Variants in CNTN1 observed in about 807,000 individuals in gnomAD.
The protein encoded by CNTN1 is contactin-1.
In CNTN1, 38 loss-of-function variants were observed where a neutral mutation model predicts 126.4. The observed-to-expected ratio is 0.30, with a 90% CI of 0.23 to 0.39. The LOEUF is 0.39. CNTN1 is among the 10% of genes least tolerant of loss of function. The probability of loss-of-function intolerance (pLI) is 1.00; values close to 1 mark genes in which losing one functional copy is unlikely to be tolerated. For synonymous variants in CNTN1, 413 were observed against 422.6 expected, an observed-to-expected ratio of 0.98 and a Z score of 0.28; for missense variants, 1,009 against 1,248.4, an observed-to-expected ratio of 0.81 and a Z score of 2.89.
chr12:40,944,233 T>C, intron 14 of CNTN1, 63 bp downstream of exon 14: 1 of 1,420,030 alleles, frequency 7.0e-7, no homozygotes, highest in South Asian at 1.2e-5. Context: ...GCATTGAAAG[T>C]TCTATTACTA....
At chr12:40,693,384 C>T (rs944071704) in intron 1 of CNTN1, among the ~76,000 whole-genome samples, 2 of 152,206 alleles carry the variant, frequency 1.3e-5, no homozygotes, top group Non-Finnish European at 2.9e-5. Flanking sequence ...CCCGGATGGG[C>T]TCCGAGCGGC....
intron 14 of CNTN1, 52 bp from the exon 15 acceptor site, chr12:40,959,062 C>T: frequency 6.2e-7 from 1 of 1,609,056 alleles, no homozygotes; most frequent in Non-Finnish European, 8.5e-7. Context: ...TTAAATGCCA[C>T]ATAATTGGTG....
At chr12:40,843,251 G>C (rs1942360389) in intron 1 of CNTN1, among the ~76,000 whole-genome samples, 1 of 152,028 alleles carries the variant, frequency 6.6e-6, no homozygotes, top group South Asian at 2.1e-4. Context: ...GGCCAGTTCA[G>C]GTGATAAAGC....
intron 1 of CNTN1, among the ~76,000 whole-genome samples, chr12:40,733,500 C>T (rs1344015881): frequency 6.6e-6 from 1 of 151,778 alleles, no homozygotes; most frequent in Non-Finnish European, 1.5e-5. Flanking sequence ...TCCCCCTTCC[C>T]CTGCCAGAGG....
rs550862370 is a variant in CNTN1, at chr12:41,010,335, G to A, written c.2114-3893G>A. Among the ~76,000 whole-genome samples, 4 of 152,284 alleles carry A rather than the reference G, an allele frequency of 2.6e-5. No homozygotes were observed. The East Asian group carries it at 7.7e-4, about 29-fold the overall frequency. Reference sequence around the variant, plus strand: ...CTTCCACAGGCTAGACAAGGTTAAGGTGGTTTTTTCTTGCTGCCTGGGCAC... The same window carrying A: ...CTTCCACAGGCTAGACAAGGTTAAGATGGTTTTTTCTTGCTGCCTGGGCAC... On this transcript the variant is annotated intron_variant, in intron 17 of 23. Transcript: ENST00000551295.
At chr12:40,749,643 T>G (rs1180490777) in intron 1 of CNTN1, among the ~76,000 whole-genome samples, 1 of 103,318 alleles carries the variant, frequency 9.7e-6, no homozygotes, top group East Asian at 2.5e-4. Flanking sequence ...TATTTTTTTT[T>G]TCATTTAATC....
chr12:40,754,603 A>G (rs1938529238), intron 1 of CNTN1, among the ~76,000 whole-genome samples: 1 of 151,988 alleles, frequency 6.6e-6, no homozygotes, highest in African/African-American at 2.4e-5. Flanking sequence ...TGCATTTCTT[A>G]ATCATGCATT....
intron 1 of CNTN1, among the ~76,000 whole-genome samples, chr12:40,810,612 T>C (rs73116756): frequency 0.023 from 3,427 of 152,130 alleles, 124 homozygotes; most frequent in African/African-American, 0.077. Context: ...TTTTTTTAGA[T>C]TTCACATATA....
At chr12:40,777,574 C>T (rs1026061044) in intron 1 of CNTN1, among the ~76,000 whole-genome samples, 1 of 151,720 alleles carries the variant, frequency 6.6e-6, no homozygotes, top group African/African-American at 2.4e-5. Flanking sequence ...ATACATCCTT[C>T]TTTTTAAAAA....
At chr12:40,892,211 T>C (rs1592214501) in intron 1 of CNTN1, among the ~76,000 whole-genome samples, 1 of 152,060 alleles carries the variant, frequency 6.6e-6, no homozygotes, top group East Asian at 1.9e-4. Context: ...AGGTGAATGA[T>C]GTATAGACTG....
In CNTN1 at chr12:41,029,155, C is replaced by A; in HGVS notation, c.2916C>A (p.Tyr972Ter). 1 of 1,614,018 alleles carries A rather than the reference C, an allele frequency of 6.2e-7. No homozygotes were observed. Among genetic ancestry groups the A allele is most frequent in the East Asian group, 2.2e-5 (1 of 44,864 alleles). The change falls in exon 23 of 24, where the codon TAC (tyrosine) becomes TAA (stop). Residue 972 changes from tyrosine (Y) to a stop codon, truncating the protein, a stop_gained. Coordinates refer to ENST00000551295, the MANE Select transcript of CNTN1 (RefSeq NM_001843.4). LOFTEE classifies it high-confidence loss of function. Reference sequence around the variant, plus strand: ...TCCCAATCCCCAGAGATGGAGAATACGTTGTGGAGGTTCGCGCGCACAGTG... The same window carrying A: ...TCCCAATCCCCAGAGATGGAGAATAAGTTGTGGAGGTTCGCGCGCACAGTG... The part of the protein sequence containing the change: ...IEVPIPRDGE[Y>*]VVEVRAHSDG...
intron 23 of CNTN1, among the ~76,000 whole-genome samples, chr12:41,063,245 G>A (rs1281407630): frequency 2.6e-5 from 4 of 152,196 alleles, no homozygotes; most frequent in Non-Finnish European, 5.9e-5. Context: ...TTAGCCTCAA[G>A]CAATTGGGAA....
chr12:40,889,677 A>C (rs1294933110), intron 1 of CNTN1, among the ~76,000 whole-genome samples: 2 of 152,186 alleles, frequency 1.3e-5, no homozygotes, highest in African/African-American at 2.4e-5. Context: ...TCAATGTATT[A>C]TTATGAGTAT....
chr12:41,007,515 TAGGC>T (rs1566131029), intron 17 of CNTN1, among the ~76,000 whole-genome samples: 1 of 152,106 alleles, frequency 6.6e-6, no homozygotes, highest in African/African-American at 2.4e-5. Context: ...AGAGGTTTAA[TAGGC>T]AGAAGAGAAG....
chr12:41,057,920 T>C (rs1949860976), intron 23 of CNTN1, among the ~76,000 whole-genome samples: 1 of 152,106 alleles, frequency 6.6e-6, no homozygotes, highest in Admixed American at 6.6e-5. Flanking sequence ...CAAGTTGATA[T>C]ATTACAGGCG....
intron 1 of CNTN1, among the ~76,000 whole-genome samples, chr12:40,707,692 T>C (rs1252608092): frequency 6.6e-6 from 1 of 152,230 alleles, no homozygotes; most frequent in Non-Finnish European, 1.5e-5. Context: ...GATATTTTTT[T>C]TGATGACTGA....
chr12:40,870,219 A>G (rs1386298538), intron 1 of CNTN1, among the ~76,000 whole-genome samples: 3 of 151,808 alleles, frequency 2.0e-5, no homozygotes, highest in Non-Finnish European at 4.4e-5. Context: ...TATCAGCAGC[A>G]TAAAAATTGA....
At chr12:40,955,507 A>AGTC (rs1224793945) in intron 14 of CNTN1, among the ~76,000 whole-genome samples, 1 of 152,070 alleles carries the variant, frequency 6.6e-6, no homozygotes, top group Non-Finnish European at 1.5e-5. Flanking sequence ...GTTTTTCTCA[A>AGTC]GTCAGTTATT....
intron 1 of CNTN1, among the ~76,000 whole-genome samples, chr12:40,741,291 A>G (rs1937933979): frequency 6.6e-6 from 1 of 152,076 alleles, no homozygotes; most frequent in South Asian, 2.1e-4. Context: ...GCTTTAATAA[A>G]TCTGTTTTTT....
Sources: allele counts gnomAD v4.1 joint callset (sites outside exome capture counted in the v4.1 genomes callset), GRCh38; gene constraint gnomAD v4.1.1; transcripts MANE v1.5; gene names NCBI Gene and HGNC (gene_info 2026-07-23, HGNC 2026-07-21).